SLC25A13: variants seen among roughly 807,000 people sequenced by gnomAD.
SLC25A13 encodes electrogenic aspartate/glutamate antiporter SLC25A13, mitochondrial.
Under a neutral mutation model 85.5 loss-of-function variants are expected in SLC25A13, and 70 were observed. That is an observed-to-expected ratio of 0.82 (90% CI 0.68 to 1.00). The LOEUF (loss-of-function observed/expected upper bound fraction) is 1.00. Ranked by LOEUF, SLC25A13 falls within the 50% of genes least tolerant of loss-of-function variation. The pLI, the probability that SLC25A13 is intolerant of heterozygous loss-of-function variation, is 0.00. For missense variants in SLC25A13, 765 were observed against 819.8 expected, an observed-to-expected ratio of 0.93 and a Z score of 0.82; for synonymous variants, 259 against 288.7, an observed-to-expected ratio of 0.90 and a Z score of 1.04.
intron 4 of SLC25A13, chr7:96,219,733 C>T (rs1796034229): frequency 1.9e-6 from 1 of 534,322 alleles, no homozygotes; most frequent in South Asian, 1.4e-5. Flanking sequence ...CAATGAGAAC[C>T]CATGGTCTAC....
chr7:96,299,195 C>CAA (rs1280535441), intron 1 of SLC25A13, among the ~76,000 whole-genome samples: 1 of 152,184 alleles, frequency 6.6e-6, no homozygotes, highest in African/African-American at 2.4e-5. Flanking sequence ...CCCCTGCCCT[C>CAA]AATTTTCATA....
At chr7:96,184,645 T>C in intron 10 of SLC25A13, 1 of 645,646 alleles carries the variant, frequency 1.5e-6, no homozygotes, top group Non-Finnish European at 2.6e-6. Flanking sequence ...GTCATAGATA[T>C]TTTAAATTAA....
At chr7:96,194,456 A>AAAAAAAAAAAAAAAAC (rs1794983485) in intron 5 of SLC25A13, among the ~76,000 whole-genome samples, 1 of 147,706 alleles carries the variant, frequency 6.8e-6, no homozygotes, top group Non-Finnish European at 1.5e-5. Context: ...AAAAAAAAAA[A>AAAAAAAAAAAAAAAAC]AAAAAAAAAA....
chr7:96,121,646 G>A lies in SLC25A13; in HGVS notation c.1841+9C>T, dbSNP rs2116382480. On this transcript the variant is annotated intron_variant, in intron 17 of 17. Transcript: ENST00000265631. Reference sequence around the variant, plus strand: ...CAAAATTTAGCAGCAGATTTAGCATGATACTTACACTCCTCCAAAATCAAT... The same window carrying A: ...CAAAATTTAGCAGCAGATTTAGCATAATACTTACACTCCTCCAAAATCAAT... 1 of 1,613,868 alleles carries A rather than the reference G, an allele frequency of 6.2e-7. No individual in the cohort carries two copies. Among genetic ancestry groups the A allele is most frequent in the South Asian group, 1.1e-5 (1 of 91,058 alleles).
rs2116378195 is a variant in SLC25A13, at chr7:96,120,840, C to T, written c.*351G>A. The stretch of plus-strand genomic sequence containing the variant: ...ACACTGCTCTGAGCACCATGATTGC[C>T]TTACAGTAGCCTCTTTGGGACTACA... On this transcript the variant is annotated 3_prime_UTR_variant, in exon 18 of 18. Transcript: ENST00000265631. 1 of 471,714 alleles carries T rather than the reference C, an allele frequency of 2.1e-6. No homozygotes were observed. Among genetic ancestry groups the T allele is most frequent in the East Asian group, 6.5e-5 (1 of 15,500 alleles). The allele number at this position is 471,714 out of a possible 1,614,324, so 29.2% of individuals were successfully genotyped here.
chr7:96,159,545 A>G (rs925344492), intron 13 of SLC25A13, among the ~76,000 whole-genome samples: 16 of 152,014 alleles, frequency 1.1e-4, no homozygotes, highest in Non-Finnish European at 1.8e-4. Context: ...AACTGCCAAC[A>G]CCTTAACCTC....
At chr7:96,146,484 G>GT (rs1367452672) in intron 14 of SLC25A13, 72 bp downstream of exon 14, 2 of 1,565,006 alleles carry the variant, frequency 1.3e-6, no homozygotes, top group Non-Finnish European at 1.7e-6. Context: ...TGGATTTCAT[G>GT]TTGAAGAATA....
intron 3 of SLC25A13, among the ~76,000 whole-genome samples, chr7:96,251,178 G>C (rs1797410001): frequency 6.6e-6 from 1 of 152,166 alleles, no homozygotes; most frequent in Non-Finnish European, 1.5e-5. Context: ...AAGGCCTCTA[G>C]GTGGGACCAA....
intron 5 of SLC25A13, among the ~76,000 whole-genome samples, chr7:96,197,679 T>G (rs1795112101): frequency 6.6e-6 from 1 of 151,642 alleles, no homozygotes. Flanking sequence ...AGATCTCAAC[T>G]CAGAAGGGAT....
At chr7:96,227,703 T>C (rs988698963) in intron 4 of SLC25A13, among the ~76,000 whole-genome samples, 1 of 152,156 alleles carries the variant, frequency 6.6e-6, no homozygotes, top group African/African-American at 2.4e-5. Context: ...AATCGACATA[T>C]CCTTGGGGAA....
At chr7:96,231,695 A>C (rs563071474) in intron 4 of SLC25A13, among the ~76,000 whole-genome samples, 2 of 151,684 alleles carry the variant, frequency 1.3e-5, no homozygotes, top group East Asian at 3.9e-4. Flanking sequence ...CTGCATTCCA[A>C]CCTGGGTGAC....
At chr7:96,238,481 C>A (rs1796827951) in intron 3 of SLC25A13, among the ~76,000 whole-genome samples, 2 of 152,084 alleles carry the variant, frequency 1.3e-5, no homozygotes, top group Admixed American at 1.3e-4. Flanking sequence ...AGATTGGAAA[C>A]ACAGATCTGG....
At chr7:96,309,288 G>A (rs1261096997) in intron 1 of SLC25A13, among the ~76,000 whole-genome samples, 1 of 152,140 alleles carries the variant, frequency 6.6e-6, no homozygotes, top group Admixed American at 6.5e-5. Context: ...TTAATCACAA[G>A]GGAGAGTTTC....
chr7:96,313,272 G>C (rs1240243657), intron 1 of SLC25A13, among the ~76,000 whole-genome samples: 1 of 152,110 alleles, frequency 6.6e-6, no homozygotes, highest in Admixed American at 6.6e-5. Context: ...ACAGCCTTGG[G>C]GGACACTAAC....
intron 2 of SLC25A13, among the ~76,000 whole-genome samples, chr7:96,292,144 T>C (rs1261294661): frequency 6.6e-6 from 1 of 152,216 alleles, no homozygotes; most frequent in Non-Finnish European, 1.5e-5. Flanking sequence ...TCAATAAAAG[T>C]AATCCAGCAT....
chr7:96,146,450 C>T, intron 14 of SLC25A13, 106 bp downstream of exon 14: 1 of 1,433,778 alleles, frequency 7.0e-7, no homozygotes, highest in Non-Finnish European at 9.6e-7. Flanking sequence ...ACATCTTCTC[C>T]AGGTGTAGAA....
chr7:96,138,340 T>C (rs1792373292), intron 14 of SLC25A13, among the ~76,000 whole-genome samples: 1 of 152,200 alleles, frequency 6.6e-6, no homozygotes, highest in Non-Finnish European at 1.5e-5. Context: ...CTGATGTGTC[T>C]AGTCTGGATT....
At chr7:96,308,173 A>G (rs1799828410) in intron 1 of SLC25A13, among the ~76,000 whole-genome samples, 2 of 152,014 alleles carry the variant, frequency 1.3e-5, no homozygotes, top group Admixed American at 6.6e-5. Flanking sequence ...AAAAAAAAAA[A>G]ATCTGACTCC....
At chr7:96,139,910 T>C (rs990450831) in intron 14 of SLC25A13, among the ~76,000 whole-genome samples, 2 of 150,500 alleles carry the variant, frequency 1.3e-5, no homozygotes, top group African/African-American at 4.9e-5. Context: ...GCAATGAACC[T>C]GGTAGTCATC....
Sources: allele counts gnomAD v4.1 joint callset (sites outside exome capture counted in the v4.1 genomes callset), GRCh38; gene constraint gnomAD v4.1.1; transcripts MANE v1.5; gene names NCBI Gene and HGNC (gene_info 2026-07-23, HGNC 2026-07-21).